The following LSAMP variants were observed in gnomAD, a reference collection of about 807,000 sequenced individuals.
The protein encoded by LSAMP is limbic system associated membrane protein, also known as limbic system-associated membrane protein.
A neutral mutation model predicts 38.6 loss-of-function variants in LSAMP; 7 were observed. The observed-to-expected ratio is 0.18, with a 90% confidence interval of 0.10 to 0.34. The LOEUF (loss-of-function observed/expected upper bound fraction) is 0.34, where lower values mean the gene tolerates loss of function less well. Among genes scored for constraint, LSAMP ranks in the 10% least tolerant of loss-of-function variants. LSAMP has a pLI of 1.00. For synonymous variants in LSAMP, 154 were observed against 166.8 expected (o/e 0.92, Z 0.59); for missense variants, 313 against 420.0 (o/e 0.75, Z 2.23).
intron 1 of LSAMP, among the ~76,000 whole-genome samples, chr3:116,372,622 G>A (rs2048443976): frequency 6.6e-6 from 1 of 151,438 alleles, no homozygotes; most frequent in South Asian, 2.1e-4. Context: ...AGAGTAAAAA[G>A]GCAATACACA....
intron 3 of LSAMP, among the ~76,000 whole-genome samples, chr3:115,905,582 A>G (rs573152776): frequency 1.3e-5 from 2 of 152,206 alleles, no homozygotes; most frequent in African/African-American, 4.8e-5. Context: ...ATATAAATTG[A>G]TCCTTTGCTA....
chr3:116,357,442 A>T (rs2867100), intron 1 of LSAMP, among the ~76,000 whole-genome samples: 23,734 of 152,152 alleles, frequency 0.16, 2,188 homozygotes, highest in African/African-American at 0.25. Context: ...GGCAATGCAG[A>T]ATCTTGCTGA....
At chr3:116,155,647 G>A (rs62269183) in intron 1 of LSAMP, among the ~76,000 whole-genome samples, 37,360 of 151,860 alleles carry the variant, frequency 0.25, 4,638 homozygotes, top group Admixed American at 0.28. Context: ...ATATGTGTGT[G>A]TGTGTGTGTC....
intron 6 of LSAMP, among the ~76,000 whole-genome samples, chr3:115,837,702 A>T (rs995120452): frequency 6.6e-6 from 1 of 152,212 alleles, no homozygotes; most frequent in African/African-American, 2.4e-5. Flanking sequence ...AACTTACAAG[A>T]TATATCTCCT....
At chr3:116,347,995 G>A (rs1274895245) in intron 1 of LSAMP, among the ~76,000 whole-genome samples, 1 of 151,394 alleles carries the variant, frequency 6.6e-6, no homozygotes, top group African/African-American at 2.4e-5. Flanking sequence ...TCAAAATCTG[G>A]GGTATGTAGA....
At chr3:116,079,455 G>C (rs1456075339) in intron 2 of LSAMP, among the ~76,000 whole-genome samples, 1 of 151,956 alleles carries the variant, frequency 6.6e-6, no homozygotes, top group Non-Finnish European at 1.5e-5. Context: ...TCAGTAGTTG[G>C]TCACTGGCAA....
intron 1 of LSAMP, among the ~76,000 whole-genome samples, chr3:116,249,538 A>C (rs569015961): frequency 1.9e-4 from 29 of 152,062 alleles, no homozygotes; most frequent in East Asian, 1.4e-3. Flanking sequence ...GGTGCATGCC[A>C]TCACACCTGC....
intron 2 of LSAMP, among the ~76,000 whole-genome samples, chr3:116,059,478 T>C (rs1941552208): frequency 6.6e-6 from 1 of 152,194 alleles, no homozygotes; most frequent in African/African-American, 2.4e-5. Flanking sequence ...GAAATAATTA[T>C]CACCTTCGTT....
chr3:116,041,306 T>C (rs562771874), intron 2 of LSAMP, among the ~76,000 whole-genome samples: 2 of 152,208 alleles, frequency 1.3e-5, no homozygotes, highest in South Asian at 4.1e-4. Flanking sequence ...ATATAACAAA[T>C]AAGTGATTTC....
At chr3:115,863,565 A>G (rs1935772322) in intron 3 of LSAMP, among the ~76,000 whole-genome samples, 1 of 145,184 alleles carries the variant, frequency 6.9e-6, no homozygotes, top group African/African-American at 2.6e-5. Context: ...TATACAACAC[A>G]TTTGCATATA....
chr3:115,943,340 A>G (rs1348890089), intron 3 of LSAMP, among the ~76,000 whole-genome samples: 1 of 152,182 alleles, frequency 6.6e-6, no homozygotes, highest in Non-Finnish European at 1.5e-5. Context: ...CCTTGAGACC[A>G]GCTAGATACA....
At chr3:116,441,938 T>C (rs1177257117) in intron 1 of LSAMP, among the ~76,000 whole-genome samples, 2 of 152,194 alleles carry the variant, frequency 1.3e-5, no homozygotes, top group Non-Finnish European at 2.9e-5. Flanking sequence ...CTTTAGTTCT[T>C]TATATAATTT....
chr3:116,108,457 T>G (rs891931009), intron 1 of LSAMP, among the ~76,000 whole-genome samples: 7 of 152,172 alleles, frequency 4.6e-5, no homozygotes, highest in East Asian at 1.9e-4. Flanking sequence ...GAAGGTAATG[T>G]GGAGTGGGTA....
In LSAMP at chr3:116,301,237, T is replaced by C. The variant is rs72950119; in HGVS notation, c.155+143640A>G. 1.6e-3 allele frequency among the ~76,000 whole-genome samples: 247 copies of C among 152,254 alleles called. 2 individuals are homozygous for C. Among genetic ancestry groups the C allele is most frequent in the African/African-American group, 5.7e-3 (236 of 41,564 alleles). ...ACACCCGTATGTCTCACCTAAAGTA[T>C]TTTACCAAGGCTGAAGAGTAGATCA... On this transcript the variant is annotated intron_variant, in intron 1 of 6. Transcript: ENST00000490035.
intron 1 of LSAMP, among the ~76,000 whole-genome samples, chr3:116,256,673 T>C (rs940040494): frequency 6.6e-6 from 1 of 152,218 alleles, no homozygotes; most frequent in African/African-American, 2.4e-5. Context: ...TTACAATTTA[T>C]GCATTTCTCC....
intron 2 of LSAMP, among the ~76,000 whole-genome samples, chr3:116,068,312 T>G (rs1472236370): frequency 6.6e-6 from 1 of 152,220 alleles, no homozygotes; most frequent in East Asian, 1.9e-4. Context: ...AATCATTATC[T>G]GTTCAACAAC....
At chr3:116,244,600 C>T (rs1184212733) in intron 1 of LSAMP, among the ~76,000 whole-genome samples, 1 of 152,166 alleles carries the variant, frequency 6.6e-6, no homozygotes, top group Non-Finnish European at 1.5e-5. Context: ...CAAACAGCTG[C>T]CCAGGGACTC....
At chr3:115,842,101 T>C (rs1301470215) in intron 5 of LSAMP, 108 bp from the exon 6 acceptor site, 2 of 1,175,818 alleles carry the variant, frequency 1.7e-6, no homozygotes, top group Non-Finnish European at 2.4e-6. Context: ...AGGAAGTAGC[T>C]AGAGTTTGTT....
intron 1 of LSAMP, among the ~76,000 whole-genome samples, chr3:116,383,410 T>C (rs1245212489): frequency 1.3e-5 from 2 of 151,960 alleles, no homozygotes; most frequent in African/African-American, 2.4e-5. Flanking sequence ...GACAAAAACA[T>C]TGAGTGGACA....
Sources: gnomAD v4.1 joint callset for allele counts (sites outside exome capture counted in the v4.1 genomes callset) on GRCh38, gnomAD v4.1.1 for gene constraint, MANE v1.5 for transcripts, NCBI Gene and HGNC (gene_info 2026-07-23, HGNC 2026-07-21) for gene names.